Variants in MS4A4E observed in about 807,000 individuals in gnomAD.
The protein encoded by MS4A4E is membrane spanning 4-domains A4E.
Under a neutral mutation model 13.3 loss-of-function variants are expected in MS4A4E, and 23 were observed. The ratio of observed to expected loss-of-function variants is 1.73; its 90% CI spans 1.25 to 2.45. The LOEUF is 2.45. MS4A4E is among the 30% of genes most tolerant of loss of function. MS4A4E has a pLI of 0.00. For synonymous variants in MS4A4E, 36 were observed against 45.6 expected, an observed-to-expected ratio of 0.79 and a Z score of 0.85; for missense variants, 144 against 131.2, an observed-to-expected ratio of 1.10 and a Z score of -0.48.
chr11:60,220,445 G>C (rs1590716099), intron 3 of MS4A4E, among the ~76,000 whole-genome samples: 1 of 152,138 alleles, frequency 6.6e-6, no homozygotes. Context: ...GACCAGCAAT[G>C]TACCTTTACT....
chr11:60,208,554 A>G, intron 6 of MS4A4E, 39 bp downstream of exon 6: 1 of 762,584 alleles, frequency 1.3e-6, no homozygotes, highest in Non-Finnish European at 2.2e-6. Flanking sequence ...AGCAATACAA[A>G]AGTAATACAG....
rs138270146 is a variant in MS4A4E, at chr11:60,230,045, A to C, written c.11T>G (p.Met4Arg). Residue 4 changes from methionine to arginine, a missense_variant, in exon 2 of 9, where the codon ATG becomes AGG. Physicochemically the swap from Met to Arg is moderately conservative, Grantham distance 91 (BLOSUM62 -1). Transcript: ENST00000651255. Reference protein sequence around the residue: MTTMQGMEQTTPGA... With the variant: MTTRQGMEQTTPGA... ...TGGAGTGGTCTGTTCCATTCCTTGCATGGTTGTCATGGCAGCAGAAAAGGT... is the reference window on the plus strand; with the variant it reads ...TGGAGTGGTCTGTTCCATTCCTTGCCTGGTTGTCATGGCAGCAGAAAAGGT... 3 of 1,589,238 alleles carry C rather than the reference A, an allele frequency of 1.9e-6. No individual in the cohort carries two copies. Among genetic ancestry groups the C allele is most frequent in the Non-Finnish European group, 2.6e-6 (3 of 1,171,272 alleles).
chr11:60,210,296 C>T (rs986692420), intron 5 of MS4A4E, among the ~76,000 whole-genome samples: 5 of 152,090 alleles, frequency 3.3e-5, no homozygotes, highest in African/African-American at 1.2e-4. Flanking sequence ...AGACCCATTG[C>T]TTCAAATCCC....
intron 3 of MS4A4E, 28 bp from the exon 4 acceptor site, chr11:60,214,642 A>G (rs770978518): frequency 3.3e-4 from 480 of 1,443,096 alleles, no homozygotes; most frequent in Non-Finnish European, 4.2e-4. Flanking sequence ...GAATGAGAGA[A>G]AAAAATGGAG....
intron 3 of MS4A4E, among the ~76,000 whole-genome samples, chr11:60,227,966 A>G (rs2134959159): frequency 6.6e-6 from 1 of 152,316 alleles, no homozygotes; most frequent in South Asian, 2.1e-4. Flanking sequence ...TCACAGACCC[A>G]AATGTTGAAC....
chr11:60,231,510 G>T (rs896192032), intron 1 of MS4A4E, among the ~76,000 whole-genome samples: 1 of 152,038 alleles, frequency 6.6e-6, no homozygotes, highest in South Asian at 2.1e-4. Flanking sequence ...ATCTCTATAA[G>T]TCAGGTGAAA....
chr11:60,218,967 T>C (rs2084231199), intron 3 of MS4A4E, among the ~76,000 whole-genome samples: 1 of 152,180 alleles, frequency 6.6e-6, no homozygotes, highest in Non-Finnish European at 1.5e-5. Flanking sequence ...AAAAAAGTTC[T>C]AGTTTATTTG....
At chr11:60,242,880 A>G in intron 1 of MS4A4E, 78 bp downstream of exon 1, 1 of 1,101,640 alleles carries the variant, frequency 9.1e-7, no homozygotes, top group Non-Finnish European at 1.3e-6. Flanking sequence ...TTCTCACTCC[A>G]CTCCCAGAAA....
At chr11:60,237,572 A>G (rs2084499059) in intron 1 of MS4A4E, among the ~76,000 whole-genome samples, 1 of 152,138 alleles carries the variant, frequency 6.6e-6, no homozygotes, top group Non-Finnish European at 1.5e-5. Flanking sequence ...ACAGTGTATT[A>G]ATATTTCTTT....
intron 1 of MS4A4E, among the ~76,000 whole-genome samples, chr11:60,236,823 G>A (rs1197980087): frequency 2.0e-5 from 3 of 151,178 alleles, no homozygotes; most frequent in Admixed American, 1.3e-4. Context: ...TACAACCTCC[G>A]CCTCCAGGGT....
At chr11:60,205,168 T>C (rs1015588836) in intron 7 of MS4A4E, among the ~76,000 whole-genome samples, 2 of 152,172 alleles carry the variant, frequency 1.3e-5, no homozygotes, top group Non-Finnish European at 2.9e-5. Flanking sequence ...AAAAGAACTT[T>C]CCTGGTTACT....
At chr11:60,216,406 C>A (rs745819914) in intron 3 of MS4A4E, among the ~76,000 whole-genome samples, 5 of 152,072 alleles carry the variant, frequency 3.3e-5, no homozygotes, top group Non-Finnish European at 7.4e-5. Flanking sequence ...GAACCCTGAT[C>A]CTGTACCAAA....
intron 1 of MS4A4E, among the ~76,000 whole-genome samples, chr11:60,238,664 C>G (rs887170436): frequency 6.6e-6 from 1 of 152,116 alleles, no homozygotes; most frequent in Non-Finnish European, 1.5e-5. Context: ...CTATTATTTT[C>G]ACTCTAGTCT....
chr11:60,225,137 G>T, intron 3 of MS4A4E: 1 of 1,443,472 alleles, frequency 6.9e-7, no homozygotes, highest in South Asian at 1.5e-5. Context: ...CCACAAAAAT[G>T]GTGCTTATGC....
chr11:60,230,193 C>T (rs600550), intron 1 of MS4A4E, 122 bp from the exon 2 acceptor site: 437,776 of 1,085,806 alleles, frequency 0.4, 91,068 homozygotes, highest in African/African-American at 0.41. Context: ...AATATTATAA[C>T]AGTTGTTAGA....
intron 1 of MS4A4E, among the ~76,000 whole-genome samples, chr11:60,236,028 T>C (rs2084478391): frequency 6.6e-6 from 1 of 152,220 alleles, no homozygotes; most frequent in African/African-American, 2.4e-5. Flanking sequence ...AGACTATTCT[T>C]TTCTCACTTA....
intron 3 of MS4A4E, among the ~76,000 whole-genome samples, chr11:60,221,726 A>G (rs2084272594): frequency 6.6e-6 from 1 of 152,238 alleles, no homozygotes; most frequent in Non-Finnish European, 1.5e-5. Context: ...GACTTGGAAG[A>G]AGCATGATAG....
At chr11:60,214,936 T>C (rs762642284) in intron 3 of MS4A4E, among the ~76,000 whole-genome samples, 7 of 152,162 alleles carry the variant, frequency 4.6e-5, no homozygotes, top group Admixed American at 2.0e-4. Context: ...GGTATTAATA[T>C]TGAATACAAT....
At chr11:60,230,110 A>G (rs2084390272) in intron 1 of MS4A4E, 39 bp from the exon 2 acceptor site, 1 of 1,531,158 alleles carries the variant, frequency 6.5e-7, no homozygotes, top group South Asian at 1.3e-5. Flanking sequence ...GGTCCTGGAA[A>G]TGACAAAAGA....
Sources: gnomAD v4.1 joint callset for allele counts (sites outside exome capture counted in the v4.1 genomes callset) on GRCh38, gnomAD v4.1.1 for gene constraint, MANE v1.5 for transcripts, NCBI Gene and HGNC (gene_info 2026-07-23, HGNC 2026-07-21) for gene names.